Variants in ENTREP2 observed in about 807,000 individuals in gnomAD.
ENTREP2 encodes the protein protein ENTREP2.
At chr15:29,429,070 CCTAT>C in the ENTREP2 span, among the ~76,000 whole-genome samples, 5 of 152,196 alleles carry the variant, frequency 3.3e-5, no homozygotes, top group African/African-American at 4.8e-5. Flanking sequence ...TATCTATCTG[CCTAT>C]CTGTCTATCC....
chr15:29,639,148 C>T, the ENTREP2 span, among the ~76,000 whole-genome samples: 3 of 152,330 alleles, frequency 2.0e-5, no homozygotes, highest in Admixed American at 1.3e-4. Flanking sequence ...AAATAAGCTA[C>T]TGAGCATCTG....
the ENTREP2 span, among the ~76,000 whole-genome samples, chr15:29,378,060 G>A: frequency 2.6e-5 from 4 of 151,856 alleles, no homozygotes; most frequent in African/African-American, 9.7e-5. Context: ...GAAAGATAAT[G>A]TCCACACAGA....
At chr15:29,142,965 C>T in the ENTREP2 span, among the ~76,000 whole-genome samples, 2 of 152,150 alleles carry the variant, frequency 1.3e-5, no homozygotes, top group African/African-American at 2.4e-5. Flanking sequence ...ATGTCTTTTG[C>T]CACGATTTCC....
At chr15:29,169,539 G>A in the ENTREP2 span, among the ~76,000 whole-genome samples, 7 of 152,106 alleles carry the variant, frequency 4.6e-5, no homozygotes, top group Admixed American at 3.9e-4. Context: ...AGATGCAAAA[G>A]TCCTAAATAA....
At chr15:29,413,917 G>T in the ENTREP2 span, among the ~76,000 whole-genome samples, 9 of 152,102 alleles carry the variant, frequency 5.9e-5, no homozygotes, top group Non-Finnish European at 1.0e-4. Context: ...ATTACATAAT[G>T]GTAAAGGGAT....
At chr15:29,351,184 G>A in the ENTREP2 span, among the ~76,000 whole-genome samples, 1 of 152,062 alleles carries the variant, frequency 6.6e-6, no homozygotes, top group Non-Finnish European at 1.5e-5. Flanking sequence ...ATTGCTCCTG[G>A]GCTACAAACC....
the ENTREP2 span, among the ~76,000 whole-genome samples, chr15:29,486,512 G>C: frequency 6.6e-6 from 1 of 152,304 alleles, no homozygotes; most frequent in South Asian, 2.1e-4. Context: ...CCAACATGGT[G>C]AAACCCCATC....
At chr15:29,251,698 C>A in the ENTREP2 span, among the ~76,000 whole-genome samples, 1 of 146,388 alleles carries the variant, frequency 6.8e-6, no homozygotes, top group Admixed American at 6.9e-5. Flanking sequence ...TGTGGCCCAA[C>A]ACAAATTCGT....
chr15:29,118,469 T>TGAG, the ENTREP2 span, among the ~76,000 whole-genome samples: 251 of 152,318 alleles, frequency 1.6e-3, no homozygotes, highest in African/African-American at 5.9e-3. Context: ...CTGTCACTAA[T>TGAG]GAGTTCGGTG....
the ENTREP2 span, among the ~76,000 whole-genome samples, chr15:29,413,462 A>G: frequency 6.6e-6 from 1 of 152,210 alleles, no homozygotes; most frequent in East Asian, 1.9e-4. Context: ...CCTATTTGTT[A>G]TATGTAATGA....
chr15:29,358,588 T>C, the ENTREP2 span, among the ~76,000 whole-genome samples: 1 of 152,170 alleles, frequency 6.6e-6, no homozygotes, highest in African/African-American at 2.4e-5. Context: ...GTCATATATT[T>C]CATGTTTAAT....
the ENTREP2 span, among the ~76,000 whole-genome samples, chr15:29,145,109 C>T: frequency 2.5e-4 from 38 of 152,020 alleles, no homozygotes; most frequent in African/African-American, 8.2e-4. Flanking sequence ...TTCCAACAAA[C>T]GGAAGAGGAA....
the ENTREP2 span, among the ~76,000 whole-genome samples, chr15:29,561,675 G>A: frequency 5.4e-5 from 8 of 147,756 alleles, no homozygotes; most frequent in Non-Finnish European, 1.0e-4. Flanking sequence ...GCAACAGAGC[G>A]AGACTCCATC....
chr15:29,123,722 A>C, the ENTREP2 span: 1 of 1,460,772 alleles, frequency 6.8e-7, no homozygotes, highest in South Asian at 1.4e-5. Flanking sequence ...AAAAGCAAAG[A>C]AAAGCCTGCT....
At chr15:29,645,713 C>G in the ENTREP2 span, among the ~76,000 whole-genome samples, 1 of 152,170 alleles carries the variant, frequency 6.6e-6, no homozygotes, top group East Asian at 1.9e-4. Flanking sequence ...TGCCCGCCAC[C>G]ATACCCAGCT....
At chr15:29,314,881 G>A in the ENTREP2 span, among the ~76,000 whole-genome samples, 7,088 of 152,028 alleles carry the variant, frequency 0.047, 422 homozygotes, top group African/African-American at 0.14. Context: ...GTGAAACCCC[G>A]CCTCTACCAA....
chr15:29,158,426 G>GGT, the ENTREP2 span, among the ~76,000 whole-genome samples: 1 of 98,734 alleles, frequency 1.0e-5, no homozygotes, highest in Admixed American at 1.2e-4. Context: ...TTTTTTTTGA[G>GGT]ATGTAGTCTC....
chr15:29,360,544 T>G, the ENTREP2 span, among the ~76,000 whole-genome samples: 4 of 152,244 alleles, frequency 2.6e-5, no homozygotes, highest in African/African-American at 9.6e-5. Context: ...TATTCATCAT[T>G]AATACAGTGA....
the ENTREP2 span, among the ~76,000 whole-genome samples, chr15:29,502,390 C>CA: frequency 6.6e-6 from 1 of 151,520 alleles, no homozygotes; most frequent in Non-Finnish European, 1.5e-5. Context: ...TATCCACATA[C>CA]AAAGGAATGA....
Sources: gnomAD v4.1 joint callset for allele counts (sites outside exome capture counted in the v4.1 genomes callset) on GRCh38, gnomAD v4.1.1 for gene constraint, MANE v1.5 for transcripts, NCBI Gene and HGNC (gene_info 2026-07-23, HGNC 2026-07-21) for gene names.